The following FXR1 variants were observed in gnomAD, a reference collection of about 807,000 sequenced individuals.
FXR1 encodes RNA-binding protein FXR1.
A neutral mutation model predicts 84.0 loss-of-function variants in FXR1; 15 were observed. The observed-to-expected ratio is 0.18, with a 90% confidence interval of 0.12 to 0.27. FXR1 has a LOEUF of 0.27. FXR1 is among the 10% of genes least tolerant of loss of function. The pLI is 1.00. For synonymous variants in FXR1, 245 were observed against 250.7 expected (o/e 0.98, Z 0.21); for missense variants, 480 against 774.4 (o/e 0.62, Z 4.51).
At chr3:180,921,436 AC>A (rs1718581307) in intron 1 of FXR1, among the ~76,000 whole-genome samples, 2 of 152,036 alleles carry the variant, frequency 1.3e-5, no homozygotes, top group Non-Finnish European at 2.9e-5. Context: ...AAATTTGCAG[AC>A]TTTTTGAATT....
intron 3 of FXR1, among the ~76,000 whole-genome samples, chr3:180,939,976 G>A (rs901738369): frequency 6.6e-6 from 1 of 152,072 alleles, no homozygotes; most frequent in South Asian, 2.1e-4. Context: ...GTTTCATATG[G>A]TTTACACTAA....
intron 1 of FXR1, among the ~76,000 whole-genome samples, chr3:180,932,075 C>CCAAAAAAA (rs397728837): frequency 1.3e-5 from 1 of 79,132 alleles, no homozygotes; most frequent in African/African-American, 4.4e-5. Context: ...TTGTAAGTTT[C>CCAAAAAAA]AAAAAAAAAA....
chr3:180,964,655 G>A (rs1343217604), intron 13 of FXR1, among the ~76,000 whole-genome samples: 1 of 137,588 alleles, frequency 7.3e-6, no homozygotes, highest in Admixed American at 7.3e-5. Flanking sequence ...CATTATATCA[G>A]AGGGACTTGT....
At chr3:180,955,493 T>C (rs1722662311) in intron 9 of FXR1, among the ~76,000 whole-genome samples, 1 of 152,136 alleles carries the variant, frequency 6.6e-6, no homozygotes, top group African/African-American at 2.4e-5. Flanking sequence ...ATAGGTAGGG[T>C]GCACAATGTT....
At chr3:180,926,248 G>A (rs1259911797) in intron 1 of FXR1, among the ~76,000 whole-genome samples, 1 of 152,046 alleles carries the variant, frequency 6.6e-6, no homozygotes, top group Non-Finnish European at 1.5e-5. Flanking sequence ...TAAAGCTGGA[G>A]TGACAAACTA....
intron 13 of FXR1, 45 bp downstream of exon 13, chr3:180,963,135 A>G (rs1230424579): frequency 2.6e-6 from 2 of 762,980 alleles, no homozygotes; most frequent in South Asian, 3.2e-5. Flanking sequence ...TAGTAATAAT[A>G]GTAGTTATAG....
chr3:180,947,805 C>T, intron 3 of FXR1, 60 bp from the exon 4 acceptor site: 1 of 846,094 alleles, frequency 1.2e-6, no homozygotes, highest in Non-Finnish European at 1.9e-6. Flanking sequence ...AATAAAAAGT[C>T]ATTTACAGCA....
Position 180,970,198 on chromosome 3 carries a change from T to C in FXR1, c.1443T>C (p.Asp481=), listed in dbSNP as rs1380021689. 6.2e-7 allele frequency: 1 copy of C among 1,608,008 alleles called. No homozygotes were observed. Among genetic ancestry groups the C allele is most frequent in the Non-Finnish European group, 8.5e-7 (1 of 1,174,714 alleles). ...DPDSNPYSLL[D]NTESDQTADT... is the part of the protein sequence containing the mutation. ...ACAGCAATCCATACAGCTTACTTGATAATACAGAATCAGATCAGACTGCAG... is the reference window on the plus strand; with the variant it reads ...ACAGCAATCCATACAGCTTACTTGACAATACAGAATCAGATCAGACTGCAG... The change falls in exon 15 of 17, where the codon GAT becomes GAC. Residue 481 remains aspartate, a synonymous_variant. Coordinates refer to ENST00000357559, the MANE Select transcript of FXR1 (RefSeq NM_005087.4).
intron 7 of FXR1, among the ~76,000 whole-genome samples, chr3:180,949,875 C>G (rs1027985439): frequency 6.6e-6 from 1 of 152,136 alleles, no homozygotes; most frequent in Admixed American, 6.5e-5. Context: ...TGCCAAAGAG[C>G]TAAGAAACTA....
At chr3:180,927,746 AT>A in intron 1 of FXR1, 1 of 438,936 alleles carries the variant, frequency 2.3e-6, no homozygotes, top group South Asian at 5.8e-5. Flanking sequence ...TTCAGAACAA[AT>A]TGTAGCAAAT....
Position 180,963,009 on chromosome 3 carries a change from A to G in FXR1, c.1136-19A>G. ...GAAAGGATATGCCACTGATGAAAGT[A>G]CCGTCTCTTCTGTACAAGGTTCTAG... On this transcript the variant is annotated intron_variant, in intron 12 of 16. Coordinates refer to ENST00000357559, the MANE Select transcript of FXR1 (RefSeq NM_005087.4). The G allele has an allele frequency of 6.2e-7, 1 of 1,607,896 alleles. No homozygotes were observed. The highest frequency in any genetic ancestry group is 8.5e-7 in the Non-Finnish European group (1 of 1,174,448).
intron 1 of FXR1, among the ~76,000 whole-genome samples, chr3:180,914,322 A>G (rs1481962176): frequency 2.0e-5 from 3 of 152,116 alleles, no homozygotes; most frequent in African/African-American, 7.2e-5. Context: ...AGACTTATCT[A>G]TGTTTTTCCT....
At chr3:180,927,589 A>G in intron 1 of FXR1, 2 of 592,360 alleles carry the variant, frequency 3.4e-6, no homozygotes, top group Non-Finnish European at 5.9e-6. Context: ...TATATTCTGT[A>G]ATTTCAAAAA....
chr3:180,961,446 A>C, intron 10 of FXR1, 22 bp from the exon 11 acceptor site: 1 of 1,167,942 alleles, frequency 8.6e-7, no homozygotes, highest in Non-Finnish European at 1.3e-6. Context: ...AACACTGAAT[A>C]CTTTTTTTTT....
At chr3:180,948,126 A>G (rs111399478) in intron 4 of FXR1, 190 bp downstream of exon 4, 1 of 608,506 alleles carries the variant, frequency 1.6e-6, no homozygotes. Context: ...GCTGCTCTCC[A>G]GAGGTACACC....
At chr3:180,943,408 G>A (rs911889387) in intron 3 of FXR1, among the ~76,000 whole-genome samples, 2 of 148,662 alleles carry the variant, frequency 1.3e-5, no homozygotes, top group Admixed American at 6.8e-5. Flanking sequence ...GATTACGGGC[G>A]CCCGCCCACC....
At chr3:180,922,829 G>C (rs1344875656) in intron 1 of FXR1, among the ~76,000 whole-genome samples, 1 of 152,064 alleles carries the variant, frequency 6.6e-6, no homozygotes, top group East Asian at 1.9e-4. Context: ...GCCCAGGCTG[G>C]CCTCCAACTC....
chr3:180,944,222 C>A (rs1445751192), intron 3 of FXR1, among the ~76,000 whole-genome samples: 3 of 151,650 alleles, frequency 2.0e-5, no homozygotes, highest in Non-Finnish European at 4.4e-5. Flanking sequence ...CTAGAATATT[C>A]TTTTTGTAAC....
chr3:180,981,058 T>A lies in FXR1; in HGVS notation c.*4766T>A, dbSNP rs1334474633. The stretch of plus-strand genomic sequence containing the variant: ...AACATGTTTGGAGGTTCTTGTGCAC[T>A]CAATGTGAACCTACTACAAGCTTCT... On this transcript the variant is annotated 3_prime_UTR_variant, in exon 17 of 17. Coordinates refer to ENST00000357559, the MANE Select transcript of FXR1 (RefSeq NM_005087.4). The A allele has an allele frequency of 1.3e-5, 2 of 152,008 alleles. No individual in the cohort carries two copies. The highest frequency in any genetic ancestry group is 2.9e-5 in the Non-Finnish European group (2 of 67,928). 9.4% of individuals were successfully genotyped at this position (152,008 alleles called of 1,614,324 possible). A position where few individuals can be genotyped will look rare whatever the true frequency, so the allele number is the denominator to read the frequency against.
Sources: gnomAD v4.1 joint callset for allele counts (sites outside exome capture counted in the v4.1 genomes callset) on GRCh38, gnomAD v4.1.1 for gene constraint, MANE v1.5 for transcripts, NCBI Gene and HGNC (gene_info 2026-07-23, HGNC 2026-07-21) for gene names.